Variants in GTF3C5 observed in about 807,000 individuals in gnomAD.
GTF3C5 encodes the protein general transcription factor 3C polypeptide 5.
A neutral mutation model predicts 61.0 loss-of-function variants in GTF3C5; 47 were observed. The observed-to-expected ratio is 0.77, with a 90% CI of 0.61 to 0.98. The LOEUF is 0.98. Ranked by LOEUF, GTF3C5 falls within the 50% of genes least tolerant of loss-of-function variation. GTF3C5 has a pLI of 0.00. For synonymous variants in GTF3C5, 295 were observed against 275.4 expected (o/e 1.07, Z -0.71); for missense variants, 659 against 703.3 (o/e 0.94, Z 0.71).
At chr9:133,033,106 C>T (rs1849772731) in intron 1 of GTF3C5, among the ~76,000 whole-genome samples, 1 of 152,130 alleles carries the variant, frequency 6.6e-6, no homozygotes, top group South Asian at 2.1e-4. Context: ...ATAGATGTAA[C>T]TTATCCAATC....
chr9:133,031,351 G>GT (rs1346775686), intron 1 of GTF3C5, among the ~76,000 whole-genome samples, 187 bp downstream of exon 1: 2 of 152,034 alleles, frequency 1.3e-5, no homozygotes, highest in Admixed American at 1.3e-4. Context: ...TTTTGTTTTT[G>GT]TTTTTTTGTT....
At chr9:133,055,720 A>C in intron 8 of GTF3C5, 1 of 1,279,296 alleles carries the variant, frequency 7.8e-7, no homozygotes, top group Non-Finnish European at 1.0e-6. Context: ...GCACAAGGCT[A>C]GTGCCAGCCC....
chr9:133,035,571 G>A (rs188749167), intron 1 of GTF3C5, among the ~76,000 whole-genome samples: 189 of 152,236 alleles, frequency 1.2e-3, no homozygotes, highest in Non-Finnish European at 2.3e-3. Context: ...TTTCTCTTTG[G>A]TCTGGTAACA....
At chr9:133,032,759 G>A (rs562160229) in intron 1 of GTF3C5, among the ~76,000 whole-genome samples, 1 of 152,154 alleles carries the variant, frequency 6.6e-6, no homozygotes, top group Non-Finnish European at 1.5e-5. Flanking sequence ...ACAATGGCAA[G>A]GGACATAAGG....
At chr9:133,046,825 G>A (rs1401980657) in intron 3 of GTF3C5, among the ~76,000 whole-genome samples, 3 of 152,134 alleles carry the variant, frequency 2.0e-5, no homozygotes, top group Non-Finnish European at 4.4e-5. Flanking sequence ...GAAGATCCAG[G>A]GAGAACTTTC....
rs146799870 is a variant in GTF3C5 at position 133,037,496 on chromosome 9, C to T, written c.154-4591C>T. On this transcript the variant is annotated intron_variant, in intron 1 of 10. Coordinates refer to ENST00000372097, the MANE Select transcript of GTF3C5 (RefSeq NM_012087.4). Reference sequence around the variant, plus strand: ...TTGCTTCCTTCTTACTATTTCCCCCCGGGGTTTTTAACTTTATATGTATGG... The same window carrying T: ...TTGCTTCCTTCTTACTATTTCCCCCTGGGGTTTTTAACTTTATATGTATGG... 3.4e-4 allele frequency among the ~76,000 whole-genome samples: 52 copies of T among 152,144 alleles called. No individual in the cohort carries two copies. In the East Asian group the frequency reaches 8.7e-3, roughly 26 times the overall value.
chr9:133,055,709 G>A lies in GTF3C5; in HGVS notation c.1168-303G>A, dbSNP rs1488361525. 5.5e-6 allele frequency: 7 copies of A among 1,268,002 alleles called. 1 individual carries two copies. Among genetic ancestry groups the A allele is most frequent in the South Asian group, 5.2e-5 (3 of 57,198 alleles). The allele number at this position is 1,268,002 out of a possible 1,614,324, so 78.5% of individuals were successfully genotyped here. A position where few individuals can be genotyped will look rare whatever the true frequency, so the allele number is the denominator to read the frequency against. Reference sequence around the variant, plus strand: ...CAGGAGGGCACAGAGAGCAGAGCCCGGCACAAGGCTAGTGCCAGCCCCATG... The same window carrying A: ...CAGGAGGGCACAGAGAGCAGAGCCCAGCACAAGGCTAGTGCCAGCCCCATG... On this transcript the variant is annotated intron_variant, in intron 8 of 10. Transcript: ENST00000372097.
In GTF3C5 at chr9:133,054,707, C is replaced by T. The variant is rs370904591; in HGVS notation, c.1070-5C>T. On this transcript the variant is annotated splice_polypyrimidine_tract_variant and splice_region_variant and intron_variant, in intron 7 of 10. Coordinates refer to ENST00000372097, the MANE Select transcript of GTF3C5 (RefSeq NM_012087.4). Reference sequence around the variant, plus strand: ...ATTCCAAGCACTGCTGTTGTCCCCACGCAGCCAGCCAGCTTGTCACCATGC... The same window carrying T: ...ATTCCAAGCACTGCTGTTGTCCCCATGCAGCCAGCCAGCTTGTCACCATGC... The T allele has an allele frequency of 5.9e-5, 92 of 1,561,898 alleles. No individual in the cohort carries two copies. The highest frequency in any genetic ancestry group is 1.3e-4 in the Admixed American group (7 of 52,080).
Position 133,056,916 on chromosome 9 carries a change from C to T in GTF3C5, c.1393+8C>T, listed in dbSNP as rs767958122. On this transcript the variant is annotated splice_region_variant and intron_variant, in intron 10 of 10. Transcript: ENST00000372097. ...TCCGCTCCAAGAGGCCTGGTAAGAG[C>T]CGCTTGGGGTAAAGGGGGTCCAGGA... 1 of 1,589,042 alleles carries T rather than the reference C, an allele frequency of 6.3e-7. No individual in the cohort carries two copies. The highest frequency in any genetic ancestry group is 1.8e-5 in the Admixed American group (1 of 56,990).
chr9:133,055,114 C>T lies in GTF3C5; in HGVS notation c.1167+305C>T, dbSNP rs752474643. On this transcript the variant is annotated intron_variant, in intron 8 of 10. Transcript: ENST00000372097. ...GGGAGCCTGGGCCCCCACTGAGCCACGTGACCACTCCGGGAATGATCGGAA... is the reference window on the plus strand; with the variant it reads ...GGGAGCCTGGGCCCCCACTGAGCCATGTGACCACTCCGGGAATGATCGGAA... The T allele has an allele frequency of 3.3e-5, 51 of 1,549,670 alleles. No homozygotes were observed. The Admixed American group carries it at 7.3e-4, about 22-fold the overall frequency.
At chr9:133,035,793 T>C (rs139229532) in intron 1 of GTF3C5, among the ~76,000 whole-genome samples, 1 of 152,324 alleles carries the variant, frequency 6.6e-6, no homozygotes, top group African/African-American at 2.4e-5. Context: ...TCCTGGGACA[T>C]GGACAGTAGC....
chr9:133,036,825 C>T (rs1259698380), intron 1 of GTF3C5, among the ~76,000 whole-genome samples: 1 of 152,124 alleles, frequency 6.6e-6, no homozygotes, highest in Non-Finnish European at 1.5e-5. Context: ...AGGACACGAT[C>T]CCTTCGACGT....
intron 3 of GTF3C5, 120 bp from the exon 4 acceptor site, chr9:133,050,661 CAG>C: frequency 1.5e-6 from 1 of 681,710 alleles, no homozygotes; most frequent in South Asian, 1.9e-5. Flanking sequence ...CACAGATGTC[CAG>C]AGAGAGGCAC....
At chr9:133,056,717 C>A in intron 9 of GTF3C5, 49 bp from the exon 10 acceptor site, 1 of 1,524,658 alleles carries the variant, frequency 6.6e-7, no homozygotes, top group South Asian at 1.3e-5. Flanking sequence ...CATCTCTTAG[C>A]AGAGACCCGC....
At chr9:133,047,275 A>G (rs934492321) in intron 3 of GTF3C5, among the ~76,000 whole-genome samples, 12 of 151,980 alleles carry the variant, frequency 7.9e-5, no homozygotes, top group African/African-American at 2.4e-4. Flanking sequence ...AGGGCCACAC[A>G]TGTTGCTTTT....
intron 1 of GTF3C5, among the ~76,000 whole-genome samples, chr9:133,035,620 A>G (rs192740715): frequency 2.2e-4 from 33 of 152,196 alleles, no homozygotes; most frequent in Admixed American, 1.8e-3. Flanking sequence ...CCCTATTTTT[A>G]TTAATTTCCC....
Position 133,043,824 on chromosome 9 carries a change from A to T in GTF3C5, c.470A>T (p.Glu157Val). 6.2e-7 allele frequency: 1 copy of T among 1,613,978 alleles called. No individual in the cohort carries two copies. The highest frequency in any genetic ancestry group is 8.5e-7 in the Non-Finnish European group (1 of 1,179,904). The change falls in exon 3 of 11, where the codon GAG (glutamate) becomes GTG (valine). Residue 157 changes from glutamate (E) to valine (V), a missense_variant. Transcript: ENST00000372097. ...GTGCTCATGCTCCGGCCCGAGAAGG[A>T]GGCCTTTTTCCACCAGGAGCTGCCG... ...DKVLMLRPEK[E>V]AFFHQELPLY...
chr9:133,031,287 C>T, intron 1 of GTF3C5, 123 bp downstream of exon 1: 1 of 756,540 alleles, frequency 1.3e-6, no homozygotes. Flanking sequence ...GTGCTGCTCG[C>T]TCTTCTGGCC....
At chr9:133,040,204 G>C (rs902282706) in intron 1 of GTF3C5, among the ~76,000 whole-genome samples, 1 of 152,106 alleles carries the variant, frequency 6.6e-6, no homozygotes, top group Non-Finnish European at 1.5e-5. Flanking sequence ...CCGCCCCATC[G>C]GGACTCAGAG....
Sources: gnomAD v4.1 joint callset for allele counts (sites outside exome capture counted in the v4.1 genomes callset) on GRCh38, gnomAD v4.1.1 for gene constraint, MANE v1.5 for transcripts, NCBI Gene and HGNC (gene_info 2026-07-23, HGNC 2026-07-21) for gene names.